The following SPMAP2L variants were observed in gnomAD, a reference collection of about 807,000 sequenced individuals.
SPMAP2L encodes sperm microtubule associated protein 2 like, also known as sperm microtubule associated protein 2-like.
chr4:56,594,436 G>A, the SPMAP2L span: 6 of 1,603,608 alleles, frequency 3.7e-6, no homozygotes, highest in South Asian at 5.5e-5. Context: ...GATATCAGCA[G>A]CTTTTCTGAG....
the SPMAP2L span, among the ~76,000 whole-genome samples, chr4:56,576,649 C>A: frequency 6.6e-6 from 1 of 152,172 alleles, no homozygotes; most frequent in South Asian, 2.1e-4. Context: ...GAGTCTTTTG[C>A]ATCATAGAAT....
At chr4:56,562,014 G>A in the SPMAP2L span, among the ~76,000 whole-genome samples, 26 of 152,204 alleles carry the variant, frequency 1.7e-4, no homozygotes, top group Middle Eastern at 3.4e-3. Context: ...ATGAGCCACC[G>A]CGCCTGGCCT....
At chr4:56,575,629 T>C in the SPMAP2L span, 6 of 1,535,386 alleles carry the variant, frequency 3.9e-6, no homozygotes, top group Non-Finnish European at 5.2e-6. Flanking sequence ...CAAAAGACAG[T>C]GTCTACTAAA....
the SPMAP2L span, chr4:56,548,919 G>A: frequency 2.5e-6 from 2 of 784,964 alleles, no homozygotes; most frequent in South Asian, 8.5e-5. Context: ...CTACCTTGGG[G>A]TTTTCAAAAA....
At chr4:56,568,989 T>C in the SPMAP2L span, among the ~76,000 whole-genome samples, 1 of 152,382 alleles carries the variant, frequency 6.6e-6, no homozygotes, top group Non-Finnish European at 1.5e-5. Flanking sequence ...CATGTATAAG[T>C]AAATTTGTTT....
At chr4:56,537,101 A>T in the SPMAP2L span, among the ~76,000 whole-genome samples, 1 of 152,092 alleles carries the variant, frequency 6.6e-6, no homozygotes, top group Non-Finnish European at 1.5e-5. Flanking sequence ...ACCTCTAGGC[A>T]GCATCTAACA....
the SPMAP2L span, among the ~76,000 whole-genome samples, chr4:56,543,902 G>T: frequency 9.2e-6 from 1 of 108,950 alleles, no homozygotes; most frequent in Non-Finnish European, 1.9e-5. Context: ...GAGAGTGTGT[G>T]TGTGTGTGTG....
the SPMAP2L span, chr4:56,596,473 A>G: frequency 6.7e-7 from 1 of 1,489,970 alleles, no homozygotes; most frequent in Non-Finnish European, 8.9e-7. Context: ...TGATGCTTAT[A>G]AGTACTGTTT....
the SPMAP2L span, among the ~76,000 whole-genome samples, chr4:56,556,853 C>T: frequency 6.6e-6 from 1 of 151,450 alleles, no homozygotes; most frequent in Non-Finnish European, 1.5e-5. Context: ...CCAGCCTGGG[C>T]GACTGAGAGA....
chr4:56,585,920 A>C, the SPMAP2L span, among the ~76,000 whole-genome samples: 1 of 152,190 alleles, frequency 6.6e-6, no homozygotes, highest in Non-Finnish European at 1.5e-5. Flanking sequence ...AATACAGAGA[A>C]CCCAGCCTTA....
At chr4:56,567,035 C>T in the SPMAP2L span, among the ~76,000 whole-genome samples, 1 of 152,140 alleles carries the variant, frequency 6.6e-6, no homozygotes, top group Non-Finnish European at 1.5e-5. Context: ...CATTTCCCTA[C>T]TTCTGGCCTT....
At chr4:56,594,920 A>T in the SPMAP2L span, 1 of 1,611,782 alleles carries the variant, frequency 6.2e-7, no homozygotes, top group East Asian at 2.2e-5. Context: ...TCTTCACAAG[A>T]CCTTCTGCAT....
the SPMAP2L span, among the ~76,000 whole-genome samples, chr4:56,589,342 A>G: frequency 6.6e-6 from 1 of 152,120 alleles, no homozygotes; most frequent in Non-Finnish European, 1.5e-5. Flanking sequence ...ACGGCCTTAT[A>G]GTATAGTTTG....
chr4:56,619,749 C>A, the SPMAP2L span, among the ~76,000 whole-genome samples: 1 of 152,070 alleles, frequency 6.6e-6, no homozygotes, highest in African/African-American at 2.4e-5. Context: ...AAAGCTTCTG[C>A]AGAGTAAAGA....
the SPMAP2L span, among the ~76,000 whole-genome samples, chr4:56,608,392 G>A: frequency 1.3e-5 from 2 of 152,160 alleles, no homozygotes; most frequent in Non-Finnish European, 2.9e-5. Flanking sequence ...TTGGTAAGGC[G>A]ATTAGTATGG....
At chr4:56,539,006 C>T in the SPMAP2L span, among the ~76,000 whole-genome samples, 3 of 152,202 alleles carry the variant, frequency 2.0e-5, no homozygotes, top group Admixed American at 6.5e-5. Flanking sequence ...CCTCTACTCA[C>T]TCAATAAGAT....
the SPMAP2L span, among the ~76,000 whole-genome samples, chr4:56,577,011 T>G: frequency 6.6e-6 from 1 of 151,682 alleles, no homozygotes; most frequent in Non-Finnish European, 1.5e-5. Flanking sequence ...TTATAATACC[T>G]TAATATAGAA....
chr4:56,587,663 G>A, the SPMAP2L span, among the ~76,000 whole-genome samples: 6 of 152,040 alleles, frequency 3.9e-5, no homozygotes, highest in Admixed American at 2.6e-4. Context: ...CCTTTTTATG[G>A]CTGAGTAGTA....
the SPMAP2L span, among the ~76,000 whole-genome samples, chr4:56,539,630 C>G: frequency 4.8e-4 from 73 of 152,268 alleles, no homozygotes; most frequent in South Asian, 7.3e-3. Flanking sequence ...CCATGTTGGC[C>G]AGGCTGGTCT....
Sources: allele counts gnomAD v4.1 joint callset (sites outside exome capture counted in the v4.1 genomes callset), GRCh38; gene constraint gnomAD v4.1.1; transcripts MANE v1.5; gene names NCBI Gene and HGNC (gene_info 2026-07-23, HGNC 2026-07-21).